Variants in NRCAM observed in about 807,000 individuals in gnomAD.
NRCAM encodes the protein neuronal cell adhesion molecule.
A neutral mutation model predicts 156.5 loss-of-function variants in NRCAM; 83 were observed. The observed-to-expected ratio is 0.53, with a 90% CI of 0.44 to 0.64. The LOEUF is 0.64. Among genes scored for constraint, NRCAM ranks in the 30% least tolerant of loss-of-function variants. The pLI is 0.00. For synonymous variants in NRCAM, 538 were observed against 563.9 expected (o/e 0.95, Z 0.65); for missense variants, 1,417 against 1,597.3 (o/e 0.89, Z 1.92).
intron 1 of NRCAM, among the ~76,000 whole-genome samples, chr7:108,411,212 C>CT (rs1168814056): frequency 6.6e-5 from 10 of 151,608 alleles, no homozygotes; most frequent in South Asian, 2.1e-4. Flanking sequence ...CTCCAATTAT[C>CT]TTTTTTTTTC....
chr7:108,172,577 T>C (rs974505314), intron 28 of NRCAM, among the ~76,000 whole-genome samples: 2 of 152,154 alleles, frequency 1.3e-5, no homozygotes, highest in Non-Finnish European at 2.9e-5. Flanking sequence ...ATTACAGGCA[T>C]GAGCCACCAC....
chr7:108,451,829 A>C (rs1199632082), intron 1 of NRCAM, among the ~76,000 whole-genome samples: 1 of 152,188 alleles, frequency 6.6e-6, no homozygotes, highest in Non-Finnish European at 1.5e-5. Context: ...ATGTGTACAG[A>C]GTTACAATTT....
At chr7:108,321,037 G>A (rs1406040168) in intron 2 of NRCAM, among the ~76,000 whole-genome samples, 1 of 152,184 alleles carries the variant, frequency 6.6e-6, no homozygotes, top group Admixed American at 6.5e-5. Flanking sequence ...GAACAACACA[G>A]TACAACTCTA....
intron 1 of NRCAM, among the ~76,000 whole-genome samples, chr7:108,435,316 T>C (rs1305259632): frequency 6.6e-6 from 1 of 152,140 alleles, no homozygotes; most frequent in African/African-American, 2.4e-5. Context: ...AAGAAGAAAT[T>C]AGTGAACTAG....
chr7:108,409,406 A>C (rs1792489132), intron 1 of NRCAM, among the ~76,000 whole-genome samples: 1 of 152,172 alleles, frequency 6.6e-6, no homozygotes, highest in African/African-American at 2.4e-5. Context: ...ACTTATACTA[A>C]AATCTAAAGC....
At chr7:108,438,031 TAA>T (rs572478339) in intron 1 of NRCAM, among the ~76,000 whole-genome samples, 33 of 138,678 alleles carry the variant, frequency 2.4e-4, no homozygotes, top group Non-Finnish European at 2.4e-4. Context: ...CTATAAGAAG[TAA>T]AAAAAAAAAA....
Position 108,263,208 on chromosome 7 carries a change from T to C in NRCAM, c.-106-23038A>G, listed in dbSNP as rs10279100. Among the ~76,000 whole-genome samples, 958 of 152,306 alleles carry C rather than the reference T, an allele frequency of 6.3e-3. 10 individuals are homozygous for C. The highest frequency in any genetic ancestry group is 0.022 in the African/African-American group (908 of 41,556). ...CTAGATTCCAGGAGGAATAACCAAA[T>C]CATATTATCTTATCTGCCTGCTTTA... On this transcript the variant is annotated intron_variant, in intron 3 of 32. Transcript: ENST00000379028.
In NRCAM at chr7:108,237,785, T is replaced by G. The variant is rs760657518; in HGVS notation, c.107-16A>C. 6.3e-7 allele frequency: 1 copy of G among 1,587,508 alleles called. No homozygotes were observed. The highest frequency in any genetic ancestry group is 2.3e-5 in the East Asian group (1 of 44,080). On this transcript the variant is annotated splice_polypyrimidine_tract_variant and intron_variant, in intron 4 of 32. Coordinates refer to ENST00000379028, the MANE Select transcript of NRCAM (RefSeq NM_001037132.4). ...AGAAGTTTTGCTTTTTCCCCATCAA[T>G]ATCAGCAGGTAAGTGGGCAAAGAGG...
intron 3 of NRCAM, among the ~76,000 whole-genome samples, chr7:108,279,213 T>C (rs895239572): frequency 2.0e-5 from 3 of 152,218 alleles, no homozygotes; most frequent in Non-Finnish European, 4.4e-5. Context: ...ATTACATGAA[T>C]ATGATAGTGG....
intron 2 of NRCAM, among the ~76,000 whole-genome samples, chr7:108,371,289 A>G (rs2099626835): frequency 6.6e-6 from 1 of 152,090 alleles, no homozygotes; most frequent in Non-Finnish European, 1.5e-5. Flanking sequence ...CTAAAATTTT[A>G]TTTTCTTGGA....
intron 2 of NRCAM, among the ~76,000 whole-genome samples, chr7:108,348,474 G>C (rs998492112): frequency 6.6e-6 from 1 of 152,126 alleles, no homozygotes; most frequent in Admixed American, 6.5e-5. Flanking sequence ...CTTATTTAGA[G>C]GACTGACAGG....
chr7:108,231,863 T>G (rs1390639745), intron 7 of NRCAM, among the ~76,000 whole-genome samples: 1 of 152,176 alleles, frequency 6.6e-6, no homozygotes, highest in Non-Finnish European at 1.5e-5. Flanking sequence ...GAGAGGATTT[T>G]GGTACTAACC....
chr7:108,156,038 A>G (rs1304232691), intron 32 of NRCAM, among the ~76,000 whole-genome samples: 1 of 152,102 alleles, frequency 6.6e-6, no homozygotes, highest in Non-Finnish European at 1.5e-5. Context: ...CCACCCTCCC[A>G]TGGCCAAACC....
At chr7:108,340,746 C>T (rs574222410) in intron 2 of NRCAM, among the ~76,000 whole-genome samples, 2 of 152,276 alleles carry the variant, frequency 1.3e-5, no homozygotes, top group African/African-American at 2.4e-5. Context: ...AAAATCCTAC[C>T]GCCTTTCTGG....
Position 108,176,554 on chromosome 7 carries a change from G to C in NRCAM, c.3027C>G (p.Asn1009Lys), listed in dbSNP as rs1264749447. Residue 1009 changes from asparagine (N) to lysine (K), a missense_variant, in exon 27 of 33, where the codon AAC (asparagine) becomes AAG (lysine). Transcript: ENST00000379028. The part of the protein sequence containing the change: ...GPLVDLKIPA[N>K]KTRWTLKNLN... Reference sequence around the variant, plus strand: ...AATTTTTTAAAGTCCACCGTGTCTTGTTGGCAGGAATTTTCAAATCTACCA... The same window carrying C: ...AATTTTTTAAAGTCCACCGTGTCTTCTTGGCAGGAATTTTCAAATCTACCA... 5 of 1,613,646 alleles carry C rather than the reference G, an allele frequency of 3.1e-6. No homozygotes were observed. The highest frequency in any genetic ancestry group is 4.2e-6 in the Non-Finnish European group (5 of 1,179,802).
At chr7:108,303,171 A>C (rs1426083966) in intron 3 of NRCAM, among the ~76,000 whole-genome samples, 1 of 152,112 alleles carries the variant, frequency 6.6e-6, no homozygotes, top group African/African-American at 2.4e-5. Context: ...CATGTTGGCC[A>C]GGCTGGTCTT....
rs1366748402 is a variant in NRCAM, at chr7:108,234,587, G to A, written c.226C>T (p.Pro76Ser). The A allele has an allele frequency of 1.9e-6, 3 of 1,587,180 alleles. No homozygotes were observed. The highest frequency in any genetic ancestry group is 2.6e-6 in the Non-Finnish European group (3 of 1,156,372). The change falls in exon 6 of 33, where the codon CCA becomes TCA. Residue 76 changes from proline to serine, a missense_variant. By Grantham distance (74) the Pro-to-Ser change is moderately conservative. Coordinates refer to ENST00000379028, the MANE Select transcript of NRCAM (RefSeq NM_001037132.4). ...IQCEAKGKPP[P>S]SFSWTRNGTH... ...CAAAGCAGAATGCACACTCACCTTG[G>A]GGGCGGTTTCCCTTTGGCTTCACAC...
chr7:108,151,258 T>C (rs975201235), intron 32 of NRCAM, among the ~76,000 whole-genome samples: 11 of 152,182 alleles, frequency 7.2e-5, no homozygotes, highest in African/African-American at 2.7e-4. Context: ...AACATTTTGT[T>C]TTCTTTCAAA....
intron 1 of NRCAM, among the ~76,000 whole-genome samples, chr7:108,446,985 C>T (rs989286491): frequency 7.9e-5 from 12 of 152,068 alleles, no homozygotes; most frequent in Non-Finnish European, 1.5e-4. Flanking sequence ...CCGCCCAGGC[C>T]TCCCAAAGTG....
Sources: gnomAD v4.1 joint callset for allele counts (sites outside exome capture counted in the v4.1 genomes callset) on GRCh38, gnomAD v4.1.1 for gene constraint, MANE v1.5 for transcripts, NCBI Gene and HGNC (gene_info 2026-07-23, HGNC 2026-07-21) for gene names.